SNX4: variants seen among roughly 807,000 people sequenced by gnomAD.
The protein encoded by SNX4 is sorting nexin-4.
Under a neutral mutation model 70.8 loss-of-function variants are expected in SNX4, and 49 were observed. The ratio of observed to expected loss-of-function variants is 0.69; its 90% confidence interval spans 0.55 to 0.88. The LOEUF is 0.88. Among genes scored for constraint, SNX4 ranks in the 40% least tolerant of loss-of-function variants. SNX4 has a pLI of 0.00. For missense variants in SNX4, 528 were observed against 544.8 expected (o/e 0.97, Z 0.31); for synonymous variants, 206 against 183.8 (o/e 1.12, Z -0.98).
chr3:125,496,041 G>T (rs1286868538), intron 5 of SNX4, among the ~76,000 whole-genome samples: 1 of 152,160 alleles, frequency 6.6e-6, no homozygotes, highest in Non-Finnish European at 1.5e-5. Context: ...AGTAAAACTA[G>T]CACTTCGGGA....
chr3:125,484,518 G>T lies in SNX4; in HGVS notation c.654-4199C>A, dbSNP rs561493226. 3.3e-5 allele frequency among the ~76,000 whole-genome samples: 5 copies of T among 152,134 alleles called. No homozygotes were observed. In the South Asian group the frequency reaches 1.0e-3, roughly 32 times the overall value. On this transcript the variant is annotated intron_variant, in intron 6 of 13. Transcript: ENST00000251775. ...GATCTGCCCACCTTGGCCTCTCAAA[G>T]TGCTGGAATTACAGGTGTGAGCTAC...
At chr3:125,470,847 T>A (rs945383614) in intron 8 of SNX4, among the ~76,000 whole-genome samples, 1 of 152,012 alleles carries the variant, frequency 6.6e-6, no homozygotes, top group South Asian at 2.1e-4. Flanking sequence ...ACATAAGAGT[T>A]CCAAGCTAAA....
At chr3:125,457,141 A>G (rs1933737711) in intron 11 of SNX4, 125 bp downstream of exon 11, 3 of 678,352 alleles carry the variant, frequency 4.4e-6, no homozygotes, top group Non-Finnish European at 8.0e-6. Flanking sequence ...TAAAAGGTTC[A>G]GCCGTCCTGA....
Position 125,457,572 on chromosome 3 carries a change from C to CTTTTTTTTTTTTTTTTTTTTTTTTT in SNX4, c.945-208_945-207insAAAAAAAAAAAAAAAAAAAAAAAAA, listed in dbSNP as rs1005344428. On this transcript the variant is annotated intron_variant, in intron 10 of 13. Transcript: ENST00000251775. ...CCTAACCATAAAAACTTCATATATT[C>CTTTTTTTTTTTTTTTTTTTTTTTTT]TTTTTTTTTTTTTTTTTTTTTTGAG... is the stretch of plus-strand genomic sequence containing the variant. 1.8e-5 allele frequency among the ~76,000 whole-genome samples: 2 copies of CTTTTTTTTTTTTTTTTTTTTTTTTT among 110,438 alleles called. 1 individual carries two copies. The highest frequency in any genetic ancestry group is 7.1e-5 in the African/African-American group (2 of 28,144). 72.5% of individuals were successfully genotyped at this position (110,438 alleles called of 152,430 possible).
chr3:125,463,402 C>T (rs7636435), intron 9 of SNX4, among the ~76,000 whole-genome samples: 75,818 of 151,716 alleles, frequency 0.5, 19,497 homozygotes, highest in African/African-American at 0.63. Context: ...TAGGGAGAAA[C>T]TGGAACATCC....
chr3:125,481,540 C>T (rs1359261112), intron 6 of SNX4, among the ~76,000 whole-genome samples: 1 of 151,972 alleles, frequency 6.6e-6, no homozygotes, highest in Non-Finnish European at 1.5e-5. Flanking sequence ...CCTCCGCCTC[C>T]CGAGTTCAAG....
chr3:125,457,632 C>A (rs542866779), intron 10 of SNX4, among the ~76,000 whole-genome samples: 59 of 138,056 alleles, frequency 4.3e-4, no homozygotes, highest in African/African-American at 1.6e-3. Context: ...GGCTGGAGTG[C>A]AATGGCGCGA....
intron 6 of SNX4, among the ~76,000 whole-genome samples, chr3:125,485,596 C>G (rs1321157392): frequency 6.6e-6 from 1 of 152,100 alleles, no homozygotes; most frequent in African/African-American, 2.4e-5. Context: ...CCGTGCCCGG[C>G]CTTATTTGGA....
At chr3:125,480,201 C>A in intron 7 of SNX4, 46 bp downstream of exon 7, 2 of 1,174,640 alleles carry the variant, frequency 1.7e-6, no homozygotes, top group African/African-American at 1.7e-5. Context: ...ACATGAGAAG[C>A]ACTTCCTTAT....
chr3:125,448,233 T>G (rs1933478144), intron 13 of SNX4, among the ~76,000 whole-genome samples: 1 of 151,156 alleles, frequency 6.6e-6, no homozygotes, highest in Non-Finnish European at 1.5e-5. Flanking sequence ...CAAGGGATCC[T>G]CCCACCTCAG....
In SNX4 at chr3:125,480,285, G is replaced by C; in HGVS notation, c.688C>G (p.Leu230Val). The change falls in exon 7 of 14, where the codon CTG (leucine) becomes GTG (valine). Residue 230 changes from leucine (L) to valine (V), a missense_variant. Coordinates refer to ENST00000251775, the MANE Select transcript of SNX4 (RefSeq NM_003794.4). ...AGAAGATGTGAGATGACAGACTGCA[G>C]TTCATCACTATAGTGCTTAAGGTCA... Reference protein sequence around the residue: ...FTDLKHYSDELQSVISHLLRV... With the variant: ...FTDLKHYSDEVQSVISHLLRV... 2 of 1,574,352 alleles carry C rather than the reference G, an allele frequency of 1.3e-6. No homozygotes were observed. The highest frequency in any genetic ancestry group is 1.7e-6 in the Non-Finnish European group (2 of 1,158,084).
chr3:125,447,825 C>A lies in SNX4; in HGVS notation c.1307G>T (p.Gly436Val). The change falls in exon 14 of 14, where the codon GGA becomes GTA. Residue 436 changes from glycine to valine, a missense_variant and splice_region_variant. This residue lies in a region of SNX4 where 159 missense variants were observed against 172.6 expected (regional missense o/e 0.92). Coordinates refer to ENST00000251775, the MANE Select transcript of SNX4 (RefSeq NM_003794.4). Reference sequence around the variant, plus strand: ...CTTAGCATTGGTCCAAACTTGAATTCCCTAAAAATAAAAATAAAAACTTTA... The same window carrying A: ...CTTAGCATTGGTCCAAACTTGAATTACCTAAAAATAAAAATAAAAACTTTA... ...AVMQISMCKKGIQVWTNAKEC... is the reference protein window; with the variant it reads ...AVMQISMCKKVIQVWTNAKEC... 1 of 1,582,030 alleles carries A rather than the reference C, an allele frequency of 6.3e-7. No individual in the cohort carries two copies.
At chr3:125,484,517 A>G (rs1246736100) in intron 6 of SNX4, among the ~76,000 whole-genome samples, 1 of 152,094 alleles carries the variant, frequency 6.6e-6, no homozygotes, top group Non-Finnish European at 1.5e-5. Flanking sequence ...GGCCTCTCAA[A>G]GTGCTGGAAT....
intron 6 of SNX4, among the ~76,000 whole-genome samples, chr3:125,480,668 C>T (rs1347406944): frequency 6.6e-6 from 1 of 152,144 alleles, no homozygotes; most frequent in Non-Finnish European, 1.5e-5. Context: ...TGGTCTCTAA[C>T]CTCAATCTTA....
intron 9 of SNX4, among the ~76,000 whole-genome samples, chr3:125,469,154 C>T: frequency 6.6e-6 from 1 of 152,138 alleles, no homozygotes; most frequent in East Asian, 1.9e-4. Context: ...CCTTTTATTC[C>T]TAGTTGATGA....
At chr3:125,489,957 T>G (rs576685369) in intron 5 of SNX4, among the ~76,000 whole-genome samples, 1 of 151,882 alleles carries the variant, frequency 6.6e-6, no homozygotes, top group African/African-American at 2.4e-5. Context: ...GAAACCCCCA[T>G]CTCTACTAAA....
At chr3:125,464,786 A>C (rs1352431237) in intron 9 of SNX4, among the ~76,000 whole-genome samples, 1 of 151,926 alleles carries the variant, frequency 6.6e-6, no homozygotes, top group Non-Finnish European at 1.5e-5. Flanking sequence ...TCTGTCACCC[A>C]GGTTGGAGTG....
chr3:125,459,959 G>A (rs1158197107), intron 10 of SNX4, among the ~76,000 whole-genome samples: 6 of 151,908 alleles, frequency 3.9e-5, no homozygotes, highest in East Asian at 1.9e-4. Flanking sequence ...TTGAGAGGCC[G>A]AGGCGGGTGG....
intron 12 of SNX4, among the ~76,000 whole-genome samples, chr3:125,452,264 T>A (rs2107839215): frequency 6.6e-6 from 1 of 152,000 alleles, no homozygotes; most frequent in Non-Finnish European, 1.5e-5. Flanking sequence ...TCGGCTAATT[T>A]TTTGTATTTT....
Sources: allele counts gnomAD v4.1 joint callset (sites outside exome capture counted in the v4.1 genomes callset), GRCh38; gene constraint gnomAD v4.1.1; regional missense constraint gnomAD v4.1.1; transcripts MANE v1.5; gene names NCBI Gene and HGNC (gene_info 2026-07-23, HGNC 2026-07-21).